AFF3: variants seen among roughly 807,000 people sequenced by gnomAD.
AFF3 encodes the protein ALF transcription elongation factor 3.
AFF3 carries 32 observed loss-of-function variants against 129.7 expected under a neutral mutation model. That is an observed-to-expected ratio of 0.25 (90% CI 0.19 to 0.33). The LOEUF (loss-of-function observed/expected upper bound fraction) is 0.33. AFF3 is among the 10% of genes least tolerant of loss of function. AFF3 has a pLI of 1.00. For synonymous variants in AFF3, 644 were observed against 635.4 expected (o/e 1.01, Z -0.20); for missense variants, 1,373 against 1,592.0 (o/e 0.86, Z 2.34).
chr2:99,976,099 C>T (rs191183246), intron 7 of AFF3, among the ~76,000 whole-genome samples: 24 of 152,038 alleles, frequency 1.6e-4, no homozygotes, highest in African/African-American at 5.8e-4. Context: ...AACGCCAATT[C>T]TTATTCAAAA....
intron 7 of AFF3, among the ~76,000 whole-genome samples, chr2:99,848,073 G>A (rs1324483796): frequency 1.3e-5 from 2 of 151,876 alleles, no homozygotes; most frequent in African/African-American, 2.4e-5. Flanking sequence ...CCTGAGGTCA[G>A]GAGTTCAAGA....
intron 8 of AFF3, among the ~76,000 whole-genome samples, chr2:99,806,189 T>A (rs1306300821): frequency 3.9e-5 from 6 of 152,228 alleles, no homozygotes; most frequent in Non-Finnish European, 8.8e-5. Context: ...TAGTCCAATT[T>A]CAGCAGACTG....
chr2:99,899,850 G>T (rs1694224640), intron 7 of AFF3, among the ~76,000 whole-genome samples: 2 of 152,306 alleles, frequency 1.3e-5, no homozygotes, highest in African/African-American at 4.8e-5. Context: ...TAACTGCTAG[G>T]GTCTCCAAGG....
chr2:99,825,482 G>A (rs796513107), intron 8 of AFF3, among the ~76,000 whole-genome samples: 15 of 152,224 alleles, frequency 9.9e-5, no homozygotes, highest in African/African-American at 3.1e-4. Context: ...TGTATGTTTC[G>A]AGTTGATCAC....
intron 7 of AFF3, among the ~76,000 whole-genome samples, chr2:100,003,917 G>C (rs1240485023): frequency 1.3e-5 from 2 of 151,662 alleles, no homozygotes; most frequent in Admixed American, 6.6e-5. Context: ...TAAAAGCTAT[G>C]TGCTGCAGTC....
At chr2:100,110,610 G>A (rs1030367455) in intron 2 of AFF3, among the ~76,000 whole-genome samples, 3 of 152,226 alleles carry the variant, frequency 2.0e-5, no homozygotes, top group Non-Finnish European at 2.9e-5. Context: ...AGAAAGGGCA[G>A]CAGAAGATCC....
chr2:100,043,325 G>T (rs1192862713), intron 4 of AFF3, among the ~76,000 whole-genome samples: 1 of 152,140 alleles, frequency 6.6e-6, no homozygotes, highest in Non-Finnish European at 1.5e-5. Context: ...AGGTGGGATG[G>T]CATGGTGCAG....
intron 16 of AFF3, among the ~76,000 whole-genome samples, chr2:99,585,463 T>C (rs938455623): frequency 5.3e-5 from 8 of 152,188 alleles, no homozygotes; most frequent in Non-Finnish European, 1.2e-4. Flanking sequence ...GCATTTTATA[T>C]GCATTGTGTC....
At chr2:99,989,980 T>C (rs1680195080) in intron 7 of AFF3, among the ~76,000 whole-genome samples, 1 of 152,158 alleles carries the variant, frequency 6.6e-6, no homozygotes, top group Admixed American at 6.5e-5. Flanking sequence ...TTGAGTTGTG[T>C]TTCATCAGAA....
In AFF3 at chr2:99,565,470, G is replaced by A. The variant is rs770821588; in HGVS notation, c.3119+17C>T. The A allele has an allele frequency of 6.2e-7, 1 of 1,608,910 alleles. No individual in the cohort carries two copies. The highest frequency in any genetic ancestry group is 2.2e-5 in the East Asian group (1 of 44,728). On this transcript the variant is annotated intron_variant, in intron 20 of 24. Transcript: ENST00000672756. ...CCTCACTCCTCCCCTCATCCAGCAA[G>A]AAAACACGGTGCTTACCTGATGAGC...
At chr2:99,914,488 G>A (rs1486297278) in intron 7 of AFF3, among the ~76,000 whole-genome samples, 3 of 152,126 alleles carry the variant, frequency 2.0e-5, no homozygotes, top group African/African-American at 2.4e-5. Flanking sequence ...TTAGGACAAC[G>A]TGAGAAATTC....
At chr2:99,815,524 T>C (rs907825771) in intron 8 of AFF3, among the ~76,000 whole-genome samples, 5 of 152,214 alleles carry the variant, frequency 3.3e-5, no homozygotes, top group Non-Finnish European at 5.9e-5. Context: ...GATGCTCTTA[T>C]TTTCTTTGTG....
chr2:99,789,766 GA>G (rs1685067887), intron 8 of AFF3, among the ~76,000 whole-genome samples: 2 of 152,168 alleles, frequency 1.3e-5, no homozygotes, highest in Non-Finnish European at 1.5e-5. Context: ...GGAAGTTACA[GA>G]CCTAACTGAG....
chr2:99,811,541 T>G (rs928515723), intron 8 of AFF3, among the ~76,000 whole-genome samples: 1 of 152,286 alleles, frequency 6.6e-6, no homozygotes, highest in Middle Eastern at 3.4e-3. Context: ...CATATTGACA[T>G]ATGTTGCCAA....
intron 4 of AFF3, among the ~76,000 whole-genome samples, chr2:100,061,392 C>T (rs1687259365): frequency 6.6e-6 from 1 of 151,950 alleles, no homozygotes; most frequent in Admixed American, 6.6e-5. Context: ...TCTGCAGTGG[C>T]TGTAATGGCT....
intron 9 of AFF3, among the ~76,000 whole-genome samples, chr2:99,746,177 TA>T (rs796726425): frequency 1.1e-3 from 159 of 143,982 alleles, no homozygotes; most frequent in African/African-American, 2.6e-3. Flanking sequence ...AATAGGAATG[TA>T]AAAAAAAAAA....
At chr2:100,095,703 C>T (rs1004727134) in intron 4 of AFF3, among the ~76,000 whole-genome samples, 1 of 152,194 alleles carries the variant, frequency 6.6e-6, no homozygotes, top group Non-Finnish European at 1.5e-5. Context: ...CACGCACACA[C>T]CCTCCTTAGA....
intron 7 of AFF3, among the ~76,000 whole-genome samples, chr2:99,983,267 A>C (rs1679573543): frequency 6.6e-6 from 1 of 152,226 alleles, no homozygotes; most frequent in Non-Finnish European, 1.5e-5. Context: ...AGCTGACTGA[A>C]GCCTATTCTT....
At chr2:99,624,862 G>A (rs575539797) in intron 13 of AFF3, among the ~76,000 whole-genome samples, 4 of 152,208 alleles carry the variant, frequency 2.6e-5, no homozygotes, top group African/African-American at 4.8e-5. Flanking sequence ...AGACGAAGGC[G>A]GGAGGGCAGC....
Sources: allele counts gnomAD v4.1 joint callset (sites outside exome capture counted in the v4.1 genomes callset), GRCh38; gene constraint gnomAD v4.1.1; transcripts MANE v1.5; gene names NCBI Gene and HGNC (gene_info 2026-07-23, HGNC 2026-07-21).